Variants in DOCK8 observed in about 807,000 individuals in gnomAD.
DOCK8 encodes dedicator of cytokinesis protein 8.
Under a neutral mutation model 245.6 loss-of-function variants are expected in DOCK8, and 141 were observed. The observed-to-expected ratio is 0.57, with a 90% CI of 0.50 to 0.66. DOCK8 has a LOEUF of 0.66. Among genes scored for constraint, DOCK8 ranks in the 30% least tolerant of loss-of-function variants. DOCK8 has a pLI of 0.00. For synonymous variants in DOCK8, 1,168 were observed against 970.2 expected (o/e 1.20, Z -3.79); for missense variants, 2,965 against 2,603.4 (o/e 1.14, Z -3.02).
intron 17 of DOCK8, 90 bp downstream of exon 17, chr9:371,656 G>A (rs749320835): frequency 1.6e-5 from 25 of 1,562,816 alleles, no homozygotes; most frequent in Non-Finnish European, 2.2e-5. Context: ...CTATTCACTT[G>A]ATTTTTTCCA....
chr9:405,324 A>G (rs942615392), intron 27 of DOCK8, among the ~76,000 whole-genome samples: 8 of 152,230 alleles, frequency 5.3e-5, no homozygotes, highest in African/African-American at 1.2e-4. Context: ...AATAAGCCCT[A>G]TGAAATTTAG....
chr9:235,073 T>G (rs2047213663), intron 1 of DOCK8, among the ~76,000 whole-genome samples: 1 of 152,222 alleles, frequency 6.6e-6, no homozygotes, highest in Admixed American at 6.5e-5. Context: ...AGATGGGTTT[T>G]TGGTGTGGAT....
chr9:249,776 C>A (rs989440671), intron 1 of DOCK8, among the ~76,000 whole-genome samples: 2 of 136,144 alleles, frequency 1.5e-5, no homozygotes, highest in African/African-American at 2.7e-5. Context: ...CACCACCATG[C>A]CTGGCTAATT....
intron 14 of DOCK8, among the ~76,000 whole-genome samples, chr9:355,943 C>G (rs1385733990): frequency 6.6e-6 from 1 of 152,140 alleles, no homozygotes; most frequent in African/African-American, 2.4e-5. Context: ...AGTTCCAATC[C>G]TTCCCCCATT....
At chr9:312,232 T>C (rs1370256037) in intron 6 of DOCK8, 66 bp downstream of exon 6, 1 of 1,558,730 alleles carries the variant, frequency 6.4e-7, no homozygotes, top group East Asian at 2.3e-5. Flanking sequence ...TGGACAATTG[T>C]GTTGTTCATT....
At chr9:262,697 T>C (rs2047946333) in intron 1 of DOCK8, among the ~76,000 whole-genome samples, 1 of 151,926 alleles carries the variant, frequency 6.6e-6, no homozygotes, top group South Asian at 2.1e-4. Flanking sequence ...AGAAGGGGCA[T>C]GAAGAAACTT....
intron 2 of DOCK8, among the ~76,000 whole-genome samples, chr9:282,996 G>A (rs1006504262): frequency 1.3e-5 from 2 of 152,132 alleles, no homozygotes; most frequent in African/African-American, 4.8e-5. Context: ...GCTCAGAGTG[G>A]AACGTGTGGG....
At chr9:296,796 G>C (rs1001513826) in intron 4 of DOCK8, among the ~76,000 whole-genome samples, 7 of 152,148 alleles carry the variant, frequency 4.6e-5, no homozygotes, top group Admixed American at 1.3e-4. Flanking sequence ...GAGCAATCCA[G>C]CTGTGGATGT....
At position 215,123 on chromosome 9, in the gene DOCK8, C is replaced by G. The variant is rs556106230; in HGVS notation, c.53+94C>G. On this transcript the variant is annotated intron_variant, in intron 1 of 47. Coordinates refer to ENST00000432829, the MANE Select transcript of DOCK8 (RefSeq NM_203447.4). Reference sequence around the variant, plus strand: ...CTGCAGGGGCCGAGGCCGGACGAGTCCATTCGCGTCCGCGGCGGGGCGCGC... The same window carrying G: ...CTGCAGGGGCCGAGGCCGGACGAGTGCATTCGCGTCCGCGGCGGGGCGCGC... 72 of 1,480,920 alleles carry G rather than the reference C, an allele frequency of 4.9e-5. 1 individual carries two copies. The African/African-American group carries it at 6.2e-4, about 13-fold the overall frequency. The allele number at this position is 1,480,920 out of a possible 1,614,324, so 91.7% of individuals were successfully genotyped here. A position where few individuals can be genotyped will look rare whatever the true frequency, so the allele number is the denominator to read the frequency against.
At chr9:355,076 G>A in intron 14 of DOCK8, among the ~76,000 whole-genome samples, 1 of 152,096 alleles carries the variant, frequency 6.6e-6, no homozygotes, top group Non-Finnish European at 1.5e-5. Context: ...ACATTGAACT[G>A]GGAGGAATAT....
In DOCK8 at chr9:286,498, A is replaced by G; in HGVS notation, c.194A>G (p.Glu65Gly). The G allele has an allele frequency of 6.2e-7, 1 of 1,613,928 alleles. No individual in the cohort carries two copies. The highest frequency in any genetic ancestry group is 8.5e-7 in the Non-Finnish European group (1 of 1,179,918). ...FYDPVEPVDF[E>G]GLLMTHLNSL... is the part of the protein sequence containing the mutation. ...GACCCTGTGGAGCCAGTGGACTTTG[A>G]AGGACTTCTGATGACACACCTGAAC... The change falls in exon 3 of 48, where the codon GAA becomes GGA. Residue 65 changes from glutamate to glycine, a missense_variant. Coordinates refer to ENST00000432829, the MANE Select transcript of DOCK8 (RefSeq NM_203447.4).
At chr9:221,809 G>A (rs548677973) in intron 1 of DOCK8, among the ~76,000 whole-genome samples, 2 of 151,300 alleles carry the variant, frequency 1.3e-5, no homozygotes, top group South Asian at 4.2e-4. Context: ...GTGACAGAGT[G>A]AGACTCTGTC....
chr9:347,125 T>A (rs907738992), intron 14 of DOCK8, among the ~76,000 whole-genome samples: 1 of 152,112 alleles, frequency 6.6e-6, no homozygotes, highest in Non-Finnish European at 1.5e-5. Context: ...CACTCTCTTT[T>A]GTTCAAAATC....
intron 1 of DOCK8, among the ~76,000 whole-genome samples, chr9:236,977 C>T (rs1239180404): frequency 6.6e-6 from 1 of 152,220 alleles, no homozygotes; most frequent in African/African-American, 2.4e-5. Context: ...ATTCATCAAT[C>T]TGCAAGGAGG....
intron 25 of DOCK8, among the ~76,000 whole-genome samples, chr9:398,264 T>C (rs1048552065): frequency 2.0e-5 from 3 of 152,204 alleles, no homozygotes; most frequent in African/African-American, 7.2e-5. Flanking sequence ...GGAGTGGCCA[T>C]GTGGAGAATG....
intron 1 of DOCK8, chr9:215,814 T>G (rs1174535278): frequency 5.7e-6 from 1 of 174,350 alleles, no homozygotes; most frequent in African/African-American, 2.4e-5. Flanking sequence ...CAGTTTTTCC[T>G]CCACTAAAAA....
At chr9:310,609 C>T (rs898322913) in intron 5 of DOCK8, among the ~76,000 whole-genome samples, 1 of 152,160 alleles carries the variant, frequency 6.6e-6, no homozygotes, top group African/African-American at 2.4e-5. Flanking sequence ...TAGGCACTGG[C>T]CACCATGCCC....
At chr9:331,393 C>G (rs10970810) in intron 9 of DOCK8, among the ~76,000 whole-genome samples, 3,085 of 152,310 alleles carry the variant, frequency 0.02, 39 homozygotes, top group Middle Eastern at 0.061. Flanking sequence ...GGAGTCCTCC[C>G]TGAAGCAGAT....
intron 2 of DOCK8, among the ~76,000 whole-genome samples, chr9:285,783 G>T (rs186903884): frequency 6.6e-6 from 1 of 152,294 alleles, no homozygotes; most frequent in Admixed American, 6.5e-5. Context: ...ATTTCAAAGT[G>T]AGTAAATTTA....
Sources: gnomAD v4.1 joint callset for allele counts (sites outside exome capture counted in the v4.1 genomes callset) on GRCh38, gnomAD v4.1.1 for gene constraint, MANE v1.5 for transcripts, NCBI Gene and HGNC (gene_info 2026-07-23, HGNC 2026-07-21) for gene names.